Variants in DLG2 observed in about 807,000 individuals in gnomAD.
The protein encoded by DLG2 is disks large homolog 2.
Under a neutral mutation model 132.5 loss-of-function variants are expected in DLG2, and 45 were observed. The ratio of observed to expected loss-of-function variants is 0.34; its 90% confidence interval spans 0.27 to 0.44. The LOEUF (loss-of-function observed/expected upper bound fraction) is 0.44. DLG2 is among the 20% of genes least tolerant of loss of function. The probability of loss-of-function intolerance (pLI) is 1.00; values close to 1 mark genes in which losing one functional copy is unlikely to be tolerated. For synonymous variants in DLG2, 424 were observed against 419.6 expected (o/e 1.01, Z -0.13); for missense variants, 1,045 against 1,196.9 (o/e 0.87, Z 1.87).
chr11:83,979,548 T>G (rs1177195744), intron 12 of DLG2, among the ~76,000 whole-genome samples: 2 of 152,236 alleles, frequency 1.3e-5, no homozygotes, highest in African/African-American at 2.4e-5. Flanking sequence ...TATAATCGCC[T>G]TAATTTTGCT....
At chr11:84,933,490 A>G (rs2048334072) in intron 6 of DLG2, among the ~76,000 whole-genome samples, 1 of 152,184 alleles carries the variant, frequency 6.6e-6, no homozygotes, top group Admixed American at 6.5e-5. Flanking sequence ...AATTTTTCCT[A>G]TCCATGAGCA....
At chr11:84,604,423 T>C (rs964662609) in intron 6 of DLG2, among the ~76,000 whole-genome samples, 2 of 151,684 alleles carry the variant, frequency 1.3e-5, no homozygotes, top group Non-Finnish European at 3.0e-5. Flanking sequence ...TAGCAGAAAT[T>C]AAATTATGTA....
chr11:83,850,185 A>G (rs1411613523), intron 16 of DLG2, among the ~76,000 whole-genome samples: 4 of 117,564 alleles, frequency 3.4e-5, no homozygotes, highest in African/African-American at 6.8e-5. Context: ...ACGGAGTCTC[A>G]CTCTGTCTCC....
At chr11:85,079,425 C>T (rs1199653573) in intron 6 of DLG2, among the ~76,000 whole-genome samples, 1 of 151,526 alleles carries the variant, frequency 6.6e-6, no homozygotes, top group Non-Finnish European at 1.5e-5. Flanking sequence ...TTAAGGTTAA[C>T]TTTGGAATGC....
chr11:84,317,900 A>T (rs1274987566), intron 7 of DLG2, among the ~76,000 whole-genome samples: 3 of 152,128 alleles, frequency 2.0e-5, no homozygotes, highest in Non-Finnish European at 4.4e-5. Context: ...TAGTCCAAAC[A>T]TATATTCTTT....
At chr11:84,105,488 C>G (rs74770720) in intron 9 of DLG2, among the ~76,000 whole-genome samples, 38 of 152,180 alleles carry the variant, frequency 2.5e-4, no homozygotes, top group Non-Finnish European at 4.6e-4. Flanking sequence ...AGGGTCCTTA[C>G]GAGTTTGAGG....
chr11:83,789,778 C>A (rs993819309), intron 17 of DLG2, among the ~76,000 whole-genome samples: 1 of 152,142 alleles, frequency 6.6e-6, no homozygotes, highest in African/African-American at 2.4e-5. Context: ...AATCTTTTGA[C>A]CTCGTGATCT....
chr11:85,070,747 C>T (rs2065726213), intron 6 of DLG2, among the ~76,000 whole-genome samples: 1 of 151,770 alleles, frequency 6.6e-6, no homozygotes, highest in African/African-American at 2.4e-5. Context: ...AGAATGAATC[C>T]TCTCCCACCT....
chr11:85,538,636 T>C (rs1185498659), intron 3 of DLG2, among the ~76,000 whole-genome samples: 2 of 151,928 alleles, frequency 1.3e-5, no homozygotes, highest in African/African-American at 2.4e-5. Flanking sequence ...GTGGTACATA[T>C]ACACCGTGGA....
At chr11:85,563,159 G>C (rs1264280390) in intron 3 of DLG2, among the ~76,000 whole-genome samples, 2 of 151,682 alleles carry the variant, frequency 1.3e-5, no homozygotes, top group African/African-American at 4.8e-5. Flanking sequence ...ATGTAAACTT[G>C]AGCAAGCAGC....
chr11:83,848,123 C>G (rs1738054346), intron 16 of DLG2, among the ~76,000 whole-genome samples: 1 of 120,550 alleles, frequency 8.3e-6, no homozygotes, highest in African/African-American at 3.0e-5. Flanking sequence ...GTCCCCCACA[C>G]CTTTTTTTTT....
intron 6 of DLG2, among the ~76,000 whole-genome samples, chr11:85,053,632 C>CA (rs574119257): frequency 0.045 from 4,075 of 91,044 alleles, 108 homozygotes; most frequent in African/African-American, 0.083. Flanking sequence ...ACTAAAAATA[C>CA]AAAAAAAAAA....
At chr11:84,374,091 T>C (rs2098719685) in intron 7 of DLG2, among the ~76,000 whole-genome samples, 1 of 152,152 alleles carries the variant, frequency 6.6e-6, no homozygotes, top group Non-Finnish European at 1.5e-5. Flanking sequence ...AAATCCCAAA[T>C]AGCTTGCTTG....
At chr11:85,053,957 T>G (rs940628912) in intron 6 of DLG2, among the ~76,000 whole-genome samples, 2 of 151,572 alleles carry the variant, frequency 1.3e-5, no homozygotes, top group Non-Finnish European at 2.9e-5. Context: ...ATTCTCTACA[T>G]CAGTAATCAT....
chr11:83,629,840 T>C (rs2063261567), intron 19 of DLG2, among the ~76,000 whole-genome samples: 1 of 152,198 alleles, frequency 6.6e-6, no homozygotes, highest in Admixed American at 6.5e-5. Flanking sequence ...GTTTGAAGAA[T>C]TGATAATGTA....
intron 15 of DLG2, among the ~76,000 whole-genome samples, chr11:83,889,890 C>T (rs1448922756): frequency 1.4e-5 from 2 of 140,866 alleles, no homozygotes; most frequent in Non-Finnish European, 3.0e-5. Context: ...TATTCTCACT[C>T]ATAGATGGGA....
Position 85,620,095 on chromosome 11 carries a change from A to G in DLG2, c.-93+6492T>C, listed in dbSNP as rs561828707. On this transcript the variant is annotated intron_variant, in intron 2 of 27. Transcript: ENST00000376104. ...ATTTTCCACAGGATATATTCACTTC[A>G]TGTCTCTGCGTCACATTTTGGTAAT... Among the ~76,000 whole-genome samples the G allele has an allele frequency of 3.8e-4, 58 of 152,260 alleles. 1 individual carries two copies. In the South Asian group the frequency reaches 6.8e-3, roughly 18 times the overall value.
intron 3 of DLG2, among the ~76,000 whole-genome samples, chr11:85,545,979 T>C (rs1435792032): frequency 6.6e-6 from 1 of 152,222 alleles, no homozygotes; most frequent in Non-Finnish European, 1.5e-5. Flanking sequence ...GTTTTTTGTG[T>C]CTCTGTCTCC....
intron 21 of DLG2, among the ~76,000 whole-genome samples, chr11:83,516,589 C>T (rs547382868): frequency 1.2e-4 from 19 of 152,268 alleles, no homozygotes. Flanking sequence ...GGTTCTTTTG[C>T]TCGTTAGTTG....
Sources: gnomAD v4.1 joint callset for allele counts (sites outside exome capture counted in the v4.1 genomes callset) on GRCh38, gnomAD v4.1.1 for gene constraint, MANE v1.5 for transcripts, NCBI Gene and HGNC (gene_info 2026-07-23, HGNC 2026-07-21) for gene names.